The following NAALADL2 variants were observed in gnomAD, a reference collection of about 807,000 sequenced individuals.
NAALADL2 encodes the protein inactive N-acetylated-alpha-linked acidic dipeptidase-like protein 2.
Under a neutral mutation model 87.2 loss-of-function variants are expected in NAALADL2, and 76 were observed. That is an observed-to-expected ratio of 0.87 (90% CI 0.72 to 1.05). The LOEUF (loss-of-function observed/expected upper bound fraction) is 1.05. Ranked by LOEUF, NAALADL2 falls within the 50% of genes least tolerant of loss-of-function variation. The pLI is 0.00. For missense variants in NAALADL2, 1,089 were observed against 945.8 expected, an observed-to-expected ratio of 1.15 and a Z score of -1.99; for synonymous variants, 354 against 331.0, an observed-to-expected ratio of 1.07 and a Z score of -0.75.
intron 3 of NAALADL2, among the ~76,000 whole-genome samples, chr3:174,823,534 T>A (rs1380359815): frequency 6.6e-6 from 1 of 152,182 alleles, no homozygotes; most frequent in East Asian, 1.9e-4. Context: ...TCAACAGATT[T>A]TATATGTATC....
At chr3:175,587,598 A>G (rs1720718019) in intron 10 of NAALADL2, among the ~76,000 whole-genome samples, 1 of 152,126 alleles carries the variant, frequency 6.6e-6, no homozygotes, top group Non-Finnish European at 1.5e-5. Flanking sequence ...TCCTAACTTG[A>G]GAAAAACCTA....
At chr3:175,126,033 T>A (rs1726892139) in intron 2 of NAALADL2, among the ~76,000 whole-genome samples, 1 of 152,136 alleles carries the variant, frequency 6.6e-6, no homozygotes, top group African/African-American at 2.4e-5. Context: ...AGTGTTCAAC[T>A]TTGTCAAAAT....
Position 175,394,983 on chromosome 3 carries a change from A to G in NAALADL2, c.1091-52246A>G, listed in dbSNP as rs1369254291. On this transcript the variant is annotated intron_variant, in intron 5 of 13. Coordinates refer to ENST00000454872, the MANE Select transcript of NAALADL2 (RefSeq NM_207015.3). ...ACTTTCACCTTTTTATTCAAGAAAA[A>G]CACTGCTTATCTTTGGCATGTCACA... 2.0e-5 allele frequency among the ~76,000 whole-genome samples: 3 copies of G among 151,960 alleles called. No individual in the cohort carries two copies. In the East Asian group the frequency reaches 5.8e-4, roughly 29 times the overall value.
At chr3:175,421,140 A>G (rs1715626259) in intron 5 of NAALADL2, among the ~76,000 whole-genome samples, 1 of 152,024 alleles carries the variant, frequency 6.6e-6, no homozygotes, top group African/African-American at 2.4e-5. Flanking sequence ...CATTCTGTAT[A>G]TATATTGTTA....
At chr3:175,332,775 A>G (rs1761545998) in intron 5 of NAALADL2, among the ~76,000 whole-genome samples, 1 of 152,104 alleles carries the variant, frequency 6.6e-6, no homozygotes, top group Admixed American at 6.5e-5. Context: ...TTTAACTCCA[A>G]TGTTTGTTCA....
intron 5 of NAALADL2, among the ~76,000 whole-genome samples, chr3:175,432,749 T>G (rs1461490922): frequency 6.6e-6 from 1 of 152,080 alleles, no homozygotes; most frequent in Non-Finnish European, 1.5e-5. Context: ...TTTAGGGCTC[T>G]AGCCACTACT....
At chr3:174,723,218 C>T (rs1731866734) in intron 2 of NAALADL2, among the ~76,000 whole-genome samples, 1 of 152,076 alleles carries the variant, frequency 6.6e-6, no homozygotes, top group South Asian at 2.1e-4. Flanking sequence ...ATTCACCTTT[C>T]TGAGCCTATT....
At position 175,137,524 on chromosome 3, in the gene NAALADL2, C is replaced by T. The variant is rs1356289314; in HGVS notation, c.545+40233C>T. 3.3e-5 allele frequency among the ~76,000 whole-genome samples: 5 copies of T among 151,634 alleles called. No individual in the cohort carries two copies. In the East Asian group the frequency reaches 9.7e-4, roughly 29 times the overall value. ...TAAAATTAATATTTCTATAAATAAT[C>T]TTATACATAAAATATATCTCACATT... On this transcript the variant is annotated intron_variant, in intron 2 of 13. Transcript: ENST00000454872.
rs1257347117 is a variant in NAALADL2, at chr3:175,364,889, A to G, written c.1090+40564A>G. On this transcript the variant is annotated intron_variant, in intron 5 of 13. Transcript: ENST00000454872. ...GAGACATATCTTGGAAGAAGAGTCA[A>G]ACTGACATTTTTTGACAAATATGTT... 2.0e-5 allele frequency among the ~76,000 whole-genome samples: 3 copies of G among 147,780 alleles called. 1 individual carries two copies. The highest frequency in any genetic ancestry group is 4.5e-5 in the Non-Finnish European group (3 of 66,430).
rs1306222609 is a variant in NAALADL2 at position 175,628,615 on chromosome 3, A to ATG, written c.1896+1231_1896+1232dup. Among the ~76,000 whole-genome samples, 605 of 131,942 alleles carry ATG rather than the reference A, an allele frequency of 4.6e-3. 4 individuals carry two copies. The highest frequency in any genetic ancestry group is 0.017 in the African/African-American group (555 of 32,246). 86.6% of individuals were successfully genotyped at this position (131,942 alleles called of 152,430 possible). ...TACCATTAAAATAATCTCTCTCTCT[A>ATG]TGTATATATATATATATATATGAAT... On this transcript the variant is annotated intron_variant, in intron 11 of 13. Transcript: ENST00000454872.
chr3:175,686,891 T>C lies in NAALADL2; in HGVS notation c.1897-50415T>C, dbSNP rs1736370811. On this transcript the variant is annotated intron_variant, in intron 11 of 13. Transcript: ENST00000454872. ...CAATTCAATTGCATAGTGTTTGCTA[T>C]GAACAAGTTATCTTCTATGTTTTCT... Among the ~76,000 whole-genome samples, 4 of 152,330 alleles carry C rather than the reference T, an allele frequency of 2.6e-5. 1 individual carries two copies. The South Asian group carries it at 8.3e-4, about 32-fold the overall frequency.
At position 174,687,335 on chromosome 3, in the gene NAALADL2, C is replaced by G. The variant is rs557170472; in HGVS notation, c.-114-50306C>G. 9.2e-5 allele frequency among the ~76,000 whole-genome samples: 14 copies of G among 152,178 alleles called. No individual in the cohort carries two copies. The South Asian group carries it at 2.9e-3, about 32-fold the overall frequency. On this transcript the variant is annotated intron_variant, in intron 2 of 3. Transcript: ENST00000434257. ...CTTGCATTCAAAAGTGACTCACAACCCTACCCAATGCACTCTATCCCTCTT... is the reference window on the plus strand; with the variant it reads ...CTTGCATTCAAAAGTGACTCACAACGCTACCCAATGCACTCTATCCCTCTT...
At chr3:175,707,387 C>G (rs1023626450) in intron 11 of NAALADL2, among the ~76,000 whole-genome samples, 5 of 152,022 alleles carry the variant, frequency 3.3e-5, no homozygotes, top group African/African-American at 1.2e-4. Flanking sequence ...AATGTAAAAA[C>G]TATTCTTAAC....
intron 1 of NAALADL2, among the ~76,000 whole-genome samples, chr3:174,890,810 AATAAAT>A (rs1444620898): frequency 2.6e-5 from 4 of 151,554 alleles, no homozygotes; most frequent in African/African-American, 9.8e-5. Context: ...ATAATTACTA[AATAAAT>A]ATAAGATAGG....
At chr3:175,026,442 C>T (rs926137393) in intron 1 of NAALADL2, among the ~76,000 whole-genome samples, 2 of 141,650 alleles carry the variant, frequency 1.4e-5, no homozygotes, top group African/African-American at 2.7e-5. Context: ...GTCAGGAGTT[C>T]GAGACCAGCC....
At chr3:175,802,601 T>C (rs1754306396) in intron 13 of NAALADL2, among the ~76,000 whole-genome samples, 1 of 152,096 alleles carries the variant, frequency 6.6e-6, no homozygotes, top group Non-Finnish European at 1.5e-5. Context: ...GTCATTTGTC[T>C]TATAAAGTTT....
chr3:175,236,933 C>G (rs1746004220), intron 3 of NAALADL2, among the ~76,000 whole-genome samples: 1 of 152,098 alleles, frequency 6.6e-6, no homozygotes, highest in Non-Finnish European at 1.5e-5. Context: ...TTCTTTCACA[C>G]TTCTGCAATT....
At chr3:174,933,128 A>G (rs923198137) in intron 1 of NAALADL2, among the ~76,000 whole-genome samples, 1 of 152,154 alleles carries the variant, frequency 6.6e-6, no homozygotes, top group Non-Finnish European at 1.5e-5. Flanking sequence ...AAAAAGAAAA[A>G]TTGTAATAGA....
intron 5 of NAALADL2, among the ~76,000 whole-genome samples, chr3:175,435,368 C>T (rs1718445356): frequency 1.3e-5 from 2 of 151,958 alleles, no homozygotes. Context: ...AAAATATATT[C>T]TCATAATTCT....
Sources: allele counts gnomAD v4.1 joint callset (sites outside exome capture counted in the v4.1 genomes callset), GRCh38; gene constraint gnomAD v4.1.1; transcripts MANE v1.5; gene names NCBI Gene and HGNC (gene_info 2026-07-23, HGNC 2026-07-21).